Variants in ANKHD1 observed in about 807,000 individuals in gnomAD.
ANKHD1 encodes the protein ankyrin repeat and KH domain-containing protein 1.
Under a neutral mutation model 230.5 loss-of-function variants are expected in ANKHD1, and 31 were observed. The ratio of observed to expected loss-of-function variants is 0.13; its 90% CI spans 0.10 to 0.18. The LOEUF is 0.18. ANKHD1 is among the 10% of genes least tolerant of loss of function. ANKHD1 has a pLI of 1.00. For synonymous variants in ANKHD1, 1,074 were observed against 1,117.6 expected (o/e 0.96, Z 0.78); for missense variants, 2,256 against 3,071.3 (o/e 0.73, Z 6.27).
chr5:140,510,049 G>A lies in ANKHD1; in HGVS notation c.3972G>A (p.Lys1324=), dbSNP rs201859746. Residue 1324 remains lysine, a synonymous_variant, in exon 22 of 34, where the codon AAG becomes AAA. Coordinates refer to ENST00000360839, the MANE Select transcript of ANKHD1 (RefSeq NM_017747.3). ...CCCACATTGATGTTCGTAACAAAAA[G>A]GGAAATACGCCACTTTGGCTGGCAT... ...RGAHIDVRNK[K]GNTPLWLASN... 1.1e-5 allele frequency: 18 copies of A among 1,613,874 alleles called. No individual in the cohort carries two copies. The East Asian group carries it at 3.3e-4, about 30-fold the overall frequency.
In ANKHD1 at chr5:140,516,911, A is replaced by G. The variant is rs1228309769; in HGVS notation, c.4317+3432A>G. Reference sequence around the variant, plus strand: ...GAGCAAAATAAACAGCTAACATCATAATGACAGGATCAAATTCACACATAA... The same window carrying G: ...GAGCAAAATAAACAGCTAACATCATGATGACAGGATCAAATTCACACATAA... On this transcript the variant is annotated intron_variant, in intron 24 of 33. Coordinates refer to ENST00000360839, the MANE Select transcript of ANKHD1 (RefSeq NM_017747.3). Among the ~76,000 whole-genome samples, 3 of 152,248 alleles carry G rather than the reference A, an allele frequency of 2.0e-5. No individual in the cohort carries two copies. In the South Asian group the frequency reaches 6.2e-4, roughly 32 times the overall value.
In ANKHD1 at chr5:140,445,878, T is replaced by C; in HGVS notation, c.1050T>C (p.His350=). ...TAATGGAAGCAGCCAGTGCAGGTCA[T>C]GTGGAAGTTGCAAGAGTTCTTTTAG... is the stretch of plus-strand genomic sequence containing the variant. ...TPLMEAASAG[H]VEVARVLLDH... The change falls in exon 6 of 34, where the codon CAT becomes CAC. Residue 350 remains histidine (H), a synonymous_variant. Coordinates refer to ENST00000360839, the MANE Select transcript of ANKHD1 (RefSeq NM_017747.3). 1.9e-6 allele frequency: 3 copies of C among 1,613,796 alleles called. No homozygotes were observed. The highest frequency in any genetic ancestry group is 2.5e-6 in the Non-Finnish European group (3 of 1,179,792).
chr5:140,523,357 C>T (rs1177995654), intron 24 of ANKHD1, among the ~76,000 whole-genome samples: 17 of 151,958 alleles, frequency 1.1e-4, no homozygotes, highest in Admixed American at 1.1e-3. Flanking sequence ...ATCTTTCCTC[C>T]TCAGTCTCCC....
chr5:140,527,254 A>T lies in ANKHD1; in HGVS notation c.5087+180A>T. ...AGCAGTATGTAAATTTTGCATGCAT[A>T]TTTTATATGACACAAGAAATTTTGG... On this transcript the variant is annotated intron_variant, in intron 27 of 33. Transcript: ENST00000360839. The surrounding 1 kb of genome is among the most constrained non-coding windows in gnomAD (Gnocchi z 4.5). 1 of 1,036,044 alleles carries T rather than the reference A, an allele frequency of 9.7e-7. No individual in the cohort carries two copies. The highest frequency in any genetic ancestry group is 1.3e-6 in the Non-Finnish European group (1 of 784,070). The allele number at this position is 1,036,044 out of a possible 1,614,324, so 64.2% of individuals were successfully genotyped here.
At chr5:140,414,825 G>A (rs1262680242) in intron 1 of ANKHD1, among the ~76,000 whole-genome samples, 2 of 136,666 alleles carry the variant, frequency 1.5e-5, no homozygotes, top group African/African-American at 5.4e-5. Context: ...TGACAAGAGT[G>A]AGACCCTGTC....
At chr5:140,413,387 G>A (rs753426961) in intron 1 of ANKHD1, among the ~76,000 whole-genome samples, 13 of 152,092 alleles carry the variant, frequency 8.5e-5, no homozygotes, top group Non-Finnish European at 1.6e-4. Flanking sequence ...TAAATGTACA[G>A]TTCAGTGGCA....
chr5:140,524,956 C>T (rs1047916658), intron 25 of ANKHD1: 3 of 336,390 alleles, frequency 8.9e-6, no homozygotes, highest in Non-Finnish European at 1.8e-5. Flanking sequence ...AAAAAAATTA[C>T]AAAATTAGCC....
At chr5:140,497,398 C>G in intron 15 of ANKHD1, 120 bp downstream of exon 15, 3 of 1,434,554 alleles carry the variant, frequency 2.1e-6, no homozygotes, top group Non-Finnish European at 2.7e-6. Flanking sequence ...TAAAATTACC[C>G]ATTTCTCGAA....
intron 14 of ANKHD1, among the ~76,000 whole-genome samples, chr5:140,488,033 C>A (rs986693967): frequency 6.6e-6 from 1 of 152,176 alleles, no homozygotes; most frequent in Non-Finnish European, 1.5e-5. Flanking sequence ...TATCTGTAGT[C>A]TCTCTGATTT....
Position 140,496,902 on chromosome 5 carries a change from A to G in ANKHD1, c.2628A>G (p.Arg876=). The G allele has an allele frequency of 5.6e-6, 9 of 1,614,210 alleles. No homozygotes were observed. The highest frequency in any genetic ancestry group is 7.6e-6 in the Non-Finnish European group (9 of 1,180,040). ...TVSLHQQCSH[R]GVFPEGEGDG... ...CTCTACACCAACAGTGCTCTCATAG[A>G]GGAGTCTTCCCAGAAGGGGAAGGAG... The change falls in exon 15 of 34, where the codon AGA becomes AGG. Residue 876 remains arginine (R), a synonymous_variant. Transcript: ENST00000360839.
chr5:140,491,488 A>G (rs1012603624), intron 14 of ANKHD1, among the ~76,000 whole-genome samples: 4 of 152,138 alleles, frequency 2.6e-5, no homozygotes, highest in African/African-American at 9.6e-5. Flanking sequence ...TTTAATTTAC[A>G]TAAATAGTAT....
At chr5:140,450,414 C>T (rs1209673139) in intron 7 of ANKHD1, among the ~76,000 whole-genome samples, 1 of 151,794 alleles carries the variant, frequency 6.6e-6, no homozygotes, top group Non-Finnish European at 1.5e-5. Flanking sequence ...GTGCATCAGC[C>T]TCCCAAGTAG....
At position 140,535,024 on chromosome 5, in the gene ANKHD1, C is replaced by A. The variant is rs375465129; in HGVS notation, c.6851-338C>A. On this transcript the variant is annotated intron_variant, in intron 29 of 33. Transcript: ENST00000360839. The stretch of plus-strand genomic sequence containing the variant: ...GTTATTGTTGGGTGCTACTTAGTTA[C>A]AGCATACTCCCATTTCATATCCCCT... 3.5e-4 allele frequency among the ~76,000 whole-genome samples: 54 copies of A among 152,318 alleles called. 1 individual carries two copies. The highest frequency in any genetic ancestry group is 1.3e-3 in the African/African-American group (53 of 41,568).
intron 1 of ANKHD1, among the ~76,000 whole-genome samples, chr5:140,406,229 C>G (rs1199103738): frequency 6.7e-6 from 1 of 149,388 alleles, no homozygotes; most frequent in Admixed American, 6.6e-5. Context: ...CAGAGAGAGA[C>G]TCTGTCTCAA....
At chr5:140,460,817 G>A (rs1192849116) in intron 9 of ANKHD1, among the ~76,000 whole-genome samples, 1 of 152,102 alleles carries the variant, frequency 6.6e-6, no homozygotes, top group Non-Finnish European at 1.5e-5. Context: ...TACCACACCC[G>A]GCCTTAAACC....
intron 1 of ANKHD1, among the ~76,000 whole-genome samples, chr5:140,412,730 A>G (rs934086182): frequency 6.6e-6 from 1 of 152,192 alleles, no homozygotes; most frequent in African/African-American, 2.4e-5. Context: ...AAAAATTGTA[A>G]TCTGCTTTTC....
intron 1 of ANKHD1, among the ~76,000 whole-genome samples, chr5:140,431,501 G>T (rs7715360): frequency 0.4 from 61,401 of 151,978 alleles, 13,180 homozygotes; most frequent in East Asian, 0.55. Context: ...TTATATGGTG[G>T]TTTATTGTTT....
intron 10 of ANKHD1, among the ~76,000 whole-genome samples, chr5:140,475,294 T>G (rs1212743708): frequency 1.3e-5 from 2 of 152,148 alleles, no homozygotes; most frequent in Non-Finnish European, 2.9e-5. Context: ...CAGTTTAAGC[T>G]GTAGTCCCAA....
intron 9 of ANKHD1, among the ~76,000 whole-genome samples, chr5:140,461,336 A>T (rs1775688639): frequency 6.6e-6 from 1 of 152,206 alleles, no homozygotes; most frequent in Non-Finnish European, 1.5e-5. Flanking sequence ...TATTTGAAGT[A>T]TGTAGCTCGT....
Sources: allele counts gnomAD v4.1 joint callset (sites outside exome capture counted in the v4.1 genomes callset), GRCh38; gene constraint gnomAD v4.1.1; non-coding constraint Gnocchi (gnomAD v3.1); transcripts MANE v1.5; gene names NCBI Gene and HGNC (gene_info 2026-07-23, HGNC 2026-07-21).